Variants in TBC1D5 observed in about 807,000 individuals in gnomAD.
TBC1D5 encodes TBC1 domain family, member 5.
TBC1D5 carries 75 observed loss-of-function variants against 100.3 expected under a neutral mutation model. The observed-to-expected ratio is 0.75, with a 90% CI of 0.62 to 0.91. The LOEUF (loss-of-function observed/expected upper bound fraction) is 0.91. Ranked by LOEUF, TBC1D5 falls within the 40% of genes least tolerant of loss-of-function variation. The pLI is 0.00. For synonymous variants in TBC1D5, 323 were observed against 325.6 expected (o/e 0.99, Z 0.09); for missense variants, 910 against 942.4 (o/e 0.97, Z 0.45).
intron 1 of TBC1D5, among the ~76,000 whole-genome samples, chr3:17,651,941 A>C (rs1485307703): frequency 6.6e-6 from 1 of 152,146 alleles, no homozygotes; most frequent in Non-Finnish European, 1.5e-5. Context: ...AATGCAGAGG[A>C]CATCGGATCT....
At chr3:17,390,852 C>T (rs578183249) in intron 8 of TBC1D5, among the ~76,000 whole-genome samples, 1 of 152,072 alleles carries the variant, frequency 6.6e-6, no homozygotes, top group Non-Finnish European at 1.5e-5. Context: ...CTTTTTCTTC[C>T]TGTGTTCCCT....
intron 15 of TBC1D5, among the ~76,000 whole-genome samples, chr3:17,280,474 A>G (rs2149881336): frequency 6.6e-6 from 1 of 152,220 alleles, no homozygotes; most frequent in Admixed American, 6.5e-5. Flanking sequence ...CCCTATACCC[A>G]TAAAAACCCC....
chr3:17,416,357 A>G (rs1477288793), intron 4 of TBC1D5, among the ~76,000 whole-genome samples: 1 of 152,230 alleles, frequency 6.6e-6, no homozygotes, highest in Admixed American at 6.5e-5. Context: ...ATTGTATTTT[A>G]ATTAATTGAA....
chr3:17,412,704 G>T (rs902758840), intron 4 of TBC1D5, among the ~76,000 whole-genome samples: 9 of 152,060 alleles, frequency 5.9e-5, no homozygotes, highest in Non-Finnish European at 1.3e-4. Flanking sequence ...AATATTTTAG[G>T]TAAATCACTT....
chr3:17,352,950 A>C (rs747961152), intron 13 of TBC1D5, among the ~76,000 whole-genome samples: 1 of 152,094 alleles, frequency 6.6e-6, no homozygotes, highest in African/African-American at 2.4e-5. Context: ...ACAAACTTAA[A>C]CACACTGTTT....
chr3:17,585,836 T>C (rs1035097260), intron 2 of TBC1D5, among the ~76,000 whole-genome samples: 1 of 152,208 alleles, frequency 6.6e-6, no homozygotes, highest in African/African-American at 2.4e-5. Context: ...AGGACTCGGC[T>C]CATAAATGTA....
chr3:17,710,795 T>A (rs2074651078), intron 1 of TBC1D5, among the ~76,000 whole-genome samples: 1 of 152,012 alleles, frequency 6.6e-6, no homozygotes, highest in African/African-American at 2.4e-5. Context: ...TCTCCCAGGT[T>A]CAAGCAATTC....
intron 1 of TBC1D5, among the ~76,000 whole-genome samples, chr3:17,673,464 C>G (rs1269717573): frequency 6.7e-6 from 1 of 149,614 alleles, no homozygotes; most frequent in African/African-American, 2.4e-5. Flanking sequence ...GCATGTGCCA[C>G]CATGCCCAGA....
rs146203579 is a variant in TBC1D5, at chr3:17,661,984, G to A, written c.-100-38071C>T. Among the ~76,000 whole-genome samples, 24 of 152,004 alleles carry A rather than the reference G, an allele frequency of 1.6e-4. 1 individual carries two copies. The East Asian group carries it at 4.3e-3, about 27-fold the overall frequency. ...TAGCTCACTGCATCCTCAAACTCCCGGGTTCAAGTAATCCTCCCATCTCAG... is the reference window on the plus strand; with the variant it reads ...TAGCTCACTGCATCCTCAAACTCCCAGGTTCAAGTAATCCTCCCATCTCAG... On this transcript the variant is annotated intron_variant, in intron 1 of 21. Coordinates refer to ENST00000253692, the Ensembl canonical transcript of TBC1D5.
intron 4 of TBC1D5, among the ~76,000 whole-genome samples, chr3:17,426,755 A>G (rs1415048243): frequency 3.3e-5 from 5 of 152,066 alleles, no homozygotes. Context: ...TTCACATGAA[A>G]ACATTTCTTT....
intron 18 of TBC1D5, among the ~76,000 whole-genome samples, chr3:17,211,741 T>C (rs2073016088): frequency 6.6e-6 from 1 of 152,254 alleles, no homozygotes; most frequent in Non-Finnish European, 1.5e-5. Context: ...CTGTTTTTTC[T>C]TGTTTTCTTA....
intron 4 of TBC1D5, among the ~76,000 whole-genome samples, chr3:17,418,823 A>G (rs1559845650): frequency 6.6e-6 from 1 of 152,304 alleles, no homozygotes; most frequent in East Asian, 1.9e-4. Context: ...TCAAAATCAA[A>G]ATGAAGTCAC....
At chr3:17,496,481 T>C (rs1184399254) in intron 3 of TBC1D5, among the ~76,000 whole-genome samples, 1 of 150,838 alleles carries the variant, frequency 6.6e-6, no homozygotes, top group African/African-American at 2.4e-5. Context: ...CACACACAAA[T>C]GGGTCAACAG....
Position 17,530,656 on chromosome 3 carries a change from C to T in TBC1D5, c.-35-22051G>A, listed in dbSNP as rs554633687. Among the ~76,000 whole-genome samples the T allele has an allele frequency of 2.0e-5, 3 of 152,242 alleles. No individual in the cohort carries two copies. In the East Asian group the frequency reaches 5.8e-4, roughly 29 times the overall value. ...AAACATGATCCAGTGGGCTTCATCC[C>T]TGGGATGCAAGGCTGGTTCAACACA... On this transcript the variant is annotated intron_variant, in intron 2 of 21. Coordinates refer to ENST00000253692, the Ensembl canonical transcript of TBC1D5.
intron 16 of TBC1D5, among the ~76,000 whole-genome samples, chr3:17,239,742 G>A (rs2076158738): frequency 6.8e-6 from 1 of 146,716 alleles, no homozygotes; most frequent in African/African-American, 2.5e-5. Context: ...GGCAAATAGA[G>A]GGCACCAAGT....
chr3:17,159,013 G>A (rs2065817417), exon 22 of TBC1D5: 1 of 152,218 alleles, frequency 6.6e-6, no homozygotes, highest in Non-Finnish European at 1.5e-5. Context: ...GCTGTATGGG[G>A]GCCCCGCGGC....
intron 2 of TBC1D5, among the ~76,000 whole-genome samples, chr3:17,529,068 C>T (rs1160394240): frequency 1.3e-5 from 2 of 152,194 alleles, no homozygotes; most frequent in Non-Finnish European, 2.9e-5. Flanking sequence ...ATAAAGATCA[C>T]TGCAGTTAGA....
intron 9 of TBC1D5, among the ~76,000 whole-genome samples, chr3:17,378,323 GC>G (rs144845354): frequency 0.029 from 4,460 of 151,876 alleles, 218 homozygotes; most frequent in African/African-American, 0.1. Flanking sequence ...ATACCATTAA[GC>G]TGTCTCCAGA....
At chr3:17,325,331 T>TC (rs2085957705) in intron 13 of TBC1D5, among the ~76,000 whole-genome samples, 1 of 150,478 alleles carries the variant, frequency 6.6e-6, no homozygotes. Flanking sequence ...ATCTTTTTTT[T>TC]TTTTTTTTTG....
Sources: gnomAD v4.1 joint callset for allele counts (sites outside exome capture counted in the v4.1 genomes callset) on GRCh38, gnomAD v4.1.1 for gene constraint, MANE v1.5 for transcripts, NCBI Gene and HGNC (gene_info 2026-07-23, HGNC 2026-07-21) for gene names.